Variants in FAT3 observed in about 807,000 individuals in gnomAD.
The protein encoded by FAT3 is protocadherin Fat 3.
In FAT3, 95 loss-of-function variants were observed where a neutral mutation model predicts 310.2. That is an observed-to-expected ratio of 0.31 (90% CI 0.26 to 0.36). The LOEUF (loss-of-function observed/expected upper bound fraction) is 0.36. FAT3 is among the 10% of genes least tolerant of loss of function. The pLI, the probability that FAT3 is intolerant of heterozygous loss-of-function variation, is 1.00. For missense variants in FAT3, 5,408 were observed against 5,715.6 expected (o/e 0.95, Z 1.74); for synonymous variants, 2,314 against 2,192.9 (o/e 1.06, Z -1.54).
chr11:92,548,106 G>A (rs796719338), intron 3 of FAT3, among the ~76,000 whole-genome samples: 4 of 152,294 alleles, frequency 2.6e-5, no homozygotes, highest in African/African-American at 9.6e-5. Flanking sequence ...TACGCAGAAC[G>A]ATCCTGTCTG....
At chr11:92,817,093 C>CA (rs1319969054) in intron 13 of FAT3, among the ~76,000 whole-genome samples, 1 of 152,140 alleles carries the variant, frequency 6.6e-6, no homozygotes, top group Non-Finnish European at 1.5e-5. Flanking sequence ...CTGAGAGGCA[C>CA]ACACATGCCC....
rs1396908121 is a variant in FAT3 at position 92,798,180 on chromosome 11, A to G, written c.5167A>G (p.Ile1723Val). The part of the protein sequence containing the change: ...IFTINPYSGV[I>V]TTQKALDYER... Reference sequence around the variant, plus strand: ...TACCATAAATCCATATTCTGGAGTCATCACCACTCAGAAGGCCCTGGATTA... The same window carrying G: ...TACCATAAATCCATATTCTGGAGTCGTCACCACTCAGAAGGCCCTGGATTA... The change falls in exon 10 of 28, where the codon ATC (isoleucine) becomes GTC (valine). Residue 1723 changes from isoleucine to valine, a missense_variant. This residue lies in a region of FAT3 where 4,588 missense variants were observed against 4,809.8 expected (regional missense o/e 0.95). Coordinates refer to ENST00000525166, the MANE Select transcript of FAT3 (RefSeq NM_001367949.2). The G allele has an allele frequency of 5.0e-6, 8 of 1,613,976 alleles. No individual in the cohort carries two copies. The highest frequency in any genetic ancestry group is 5.9e-6 in the Non-Finnish European group (7 of 1,179,858).
chr11:92,824,830 G>C (rs1450911373), intron 13 of FAT3, among the ~76,000 whole-genome samples: 1 of 150,982 alleles, frequency 6.6e-6, no homozygotes, highest in African/African-American at 2.4e-5. Flanking sequence ...TTTGTAACTT[G>C]CTTTTTTGAT....
At chr11:92,788,028 C>A (rs1355921451) in intron 7 of FAT3, among the ~76,000 whole-genome samples, 2 of 152,232 alleles carry the variant, frequency 1.3e-5, no homozygotes, top group East Asian at 1.9e-4. Flanking sequence ...AGCATAATAG[C>A]CAATCCAGTA....
At chr11:92,407,259 T>A (rs1950154789) in intron 2 of FAT3, among the ~76,000 whole-genome samples, 1 of 151,908 alleles carries the variant, frequency 6.6e-6, no homozygotes, top group Non-Finnish European at 1.5e-5. Flanking sequence ...AGAGAATGAG[T>A]TTTTTTTATT....
intron 2 of FAT3, among the ~76,000 whole-genome samples, chr11:92,514,123 AAATT>A (rs1953398307): frequency 2.0e-5 from 3 of 152,322 alleles, no homozygotes; most frequent in African/African-American, 7.2e-5. Flanking sequence ...TTGTGAATAA[AAATT>A]AATTAAAACA....
chr11:92,478,600 G>A (rs149290518), intron 2 of FAT3, among the ~76,000 whole-genome samples: 5 of 151,638 alleles, frequency 3.3e-5, no homozygotes, highest in East Asian at 3.9e-4. Context: ...AAACAGAAAC[G>A]ATGCACTTTC....
At chr11:92,459,967 AAAAT>A (rs1951593556) in intron 2 of FAT3, among the ~76,000 whole-genome samples, 2 of 152,326 alleles carry the variant, frequency 1.3e-5, no homozygotes, top group Admixed American at 1.3e-4. Context: ...GCACAAAAAA[AAAAT>A]AAGAAAAAAG....
intron 3 of FAT3, among the ~76,000 whole-genome samples, chr11:92,688,082 G>A (rs1173782890): frequency 1.3e-5 from 2 of 151,876 alleles, no homozygotes; most frequent in Non-Finnish European, 2.9e-5. Flanking sequence ...TGCACCGGTA[G>A]TCTCAGCTAC....
intron 3 of FAT3, among the ~76,000 whole-genome samples, chr11:92,646,253 G>A (rs540442879): frequency 2.0e-4 from 30 of 152,336 alleles, no homozygotes; most frequent in African/African-American, 6.0e-4. Context: ...TGGAAGGCTA[G>A]GCTCAGTTGC....
At chr11:92,620,221 G>T (rs1941021051) in intron 3 of FAT3, among the ~76,000 whole-genome samples, 1 of 152,120 alleles carries the variant, frequency 6.6e-6, no homozygotes, top group South Asian at 2.1e-4. Flanking sequence ...AACACACTCT[G>T]TATAATTCCA....
At chr11:92,418,030 T>C (rs1365854668) in intron 2 of FAT3, among the ~76,000 whole-genome samples, 5 of 152,304 alleles carry the variant, frequency 3.3e-5, no homozygotes, top group Admixed American at 3.3e-4. Flanking sequence ...AATTCTAGTC[T>C]CCTCACTGAT....
chr11:92,232,122 G>A (rs1385905242), intron 1 of FAT3, among the ~76,000 whole-genome samples: 1 of 152,144 alleles, frequency 6.6e-6, no homozygotes, highest in East Asian at 1.9e-4. Flanking sequence ...GGATTTTGCA[G>A]CTAGGGTTTT....
rs771200811 is a variant in FAT3, at chr11:92,831,905, C to T, written c.9765C>T (p.Val3255=). ...AGGACACCTCCCCTGGCACCCAAGT[C>T]CTTGCTGTTTTTGCCACCAGCAAAG... is the stretch of plus-strand genomic sequence containing the variant. ...VPEDTSPGTQ[V]LAVFATSKDI... Residue 3255 remains valine, a synonymous_variant, in exon 14 of 28, where the codon GTC becomes GTT. Coordinates refer to ENST00000525166, the MANE Select transcript of FAT3 (RefSeq NM_001367949.2). 1 of 1,611,464 alleles carries T rather than the reference C, an allele frequency of 6.2e-7. No individual in the cohort carries two copies. The highest frequency in any genetic ancestry group is 1.1e-5 in the South Asian group (1 of 90,396).
intron 4 of FAT3, among the ~76,000 whole-genome samples, chr11:92,735,126 G>A (rs867567988): frequency 6.1e-5 from 8 of 131,442 alleles, no homozygotes; most frequent in Non-Finnish European, 7.9e-5. Context: ...TCTGACTTAG[G>A]GCATGCATAT....
intron 3 of FAT3, among the ~76,000 whole-genome samples, chr11:92,601,323 G>A (rs896829678): frequency 6.6e-6 from 1 of 151,536 alleles, no homozygotes; most frequent in Non-Finnish European, 1.5e-5. Flanking sequence ...ACTTTGCGAA[G>A]CTGAGGCGGG....
intron 12 of FAT3, among the ~76,000 whole-genome samples, chr11:92,807,421 C>G (rs1947534021): frequency 6.6e-6 from 1 of 152,108 alleles, no homozygotes. Flanking sequence ...TACTCTGGAC[C>G]ACAGAAACTT....
At chr11:92,225,538 A>G (rs1863867718) in intron 1 of FAT3, among the ~76,000 whole-genome samples, 1 of 152,034 alleles carries the variant, frequency 6.6e-6, no homozygotes, top group Admixed American at 6.5e-5. Flanking sequence ...CAGGTGGATG[A>G]GAAGGTTCAG....
intron 2 of FAT3, among the ~76,000 whole-genome samples, chr11:92,489,122 G>A (rs148740922): frequency 3.0e-4 from 46 of 152,088 alleles, no homozygotes; most frequent in African/African-American, 1.0e-3. Flanking sequence ...TCTCATAGAC[G>A]CATTTACTTC....
Sources: allele counts gnomAD v4.1 joint callset (sites outside exome capture counted in the v4.1 genomes callset), GRCh38; gene constraint gnomAD v4.1.1; regional missense constraint gnomAD v4.1.1; transcripts MANE v1.5; gene names NCBI Gene and HGNC (gene_info 2026-07-23, HGNC 2026-07-21).